The following CSMD1 variants were observed in gnomAD, a reference collection of about 807,000 sequenced individuals.
CSMD1 encodes the protein CUB and Sushi multiple domains 1.
A neutral mutation model predicts 417.5 loss-of-function variants in CSMD1; 213 were observed. That is an observed-to-expected ratio of 0.51 (90% CI 0.46 to 0.57). CSMD1 has a LOEUF of 0.57. Among genes scored for constraint, CSMD1 ranks in the 20% least tolerant of loss-of-function variants. The pLI is 0.00. For missense variants in CSMD1, 6,923 were observed against 4,529.7 expected, an observed-to-expected ratio of 1.53 and a Z score of -15.17; for synonymous variants, 2,862 against 1,736.8, an observed-to-expected ratio of 1.65 and a Z score of -16.11.
intron 3 of CSMD1, among the ~76,000 whole-genome samples, chr8:4,404,237 G>C (rs769567120): frequency 1.3e-5 from 2 of 151,924 alleles, no homozygotes; most frequent in Non-Finnish European, 2.9e-5. Flanking sequence ...TATATTATCT[G>C]TCACCTTGTG....
At chr8:4,153,666 G>A (rs1796683826) in intron 3 of CSMD1, among the ~76,000 whole-genome samples, 1 of 152,056 alleles carries the variant, frequency 6.6e-6, no homozygotes, top group African/African-American at 2.4e-5. Context: ...TTCTCATAAC[G>A]TCACTGCCTG....
chr8:3,771,494 C>T (rs572271441), intron 5 of CSMD1, among the ~76,000 whole-genome samples: 10 of 152,148 alleles, frequency 6.6e-5, no homozygotes, highest in South Asian at 2.1e-4. Flanking sequence ...CTCAAGCTCT[C>T]GAACACACAA....
intron 11 of CSMD1, among the ~76,000 whole-genome samples, chr8:3,493,419 A>G (rs1796219640): frequency 6.6e-6 from 1 of 152,204 alleles, no homozygotes; most frequent in African/African-American, 2.4e-5. Flanking sequence ...GAAGAAAAAC[A>G]GTCGAAACAG....
At chr8:4,040,965 C>G (rs1052593382) in intron 3 of CSMD1, among the ~76,000 whole-genome samples, 1 of 150,550 alleles carries the variant, frequency 6.6e-6, no homozygotes, top group Non-Finnish European at 1.5e-5. Context: ...TTTGACTTCA[C>G]TAGTGAATCC....
At chr8:4,724,106 G>C (rs891594693) in intron 1 of CSMD1, among the ~76,000 whole-genome samples, 2 of 152,110 alleles carry the variant, frequency 1.3e-5, no homozygotes, top group East Asian at 1.9e-4. Flanking sequence ...ATTGCAATTT[G>C]TCATTTTCCT....
chr8:3,792,073 T>C (rs915376742), intron 5 of CSMD1, among the ~76,000 whole-genome samples: 5 of 152,146 alleles, frequency 3.3e-5, no homozygotes, highest in African/African-American at 9.7e-5. Context: ...TCTCTATGTT[T>C]TCCTCCTTCA....
At chr8:3,308,814 C>T (rs1051828174) in intron 23 of CSMD1, among the ~76,000 whole-genome samples, 1 of 150,646 alleles carries the variant, frequency 6.6e-6, no homozygotes, top group Non-Finnish European at 1.5e-5. Flanking sequence ...ACCTCCACCT[C>T]CCAGGTTCAA....
intron 18 of CSMD1, among the ~76,000 whole-genome samples, chr8:3,372,439 G>A (rs1162217575): frequency 1.3e-5 from 2 of 152,268 alleles, no homozygotes; most frequent in African/African-American, 2.4e-5. Flanking sequence ...TCCTGAGGCT[G>A]TGCTGAGAGA....
intron 1 of CSMD1, among the ~76,000 whole-genome samples, chr8:4,865,148 CTAATCT>C (rs1170197208): frequency 8.6e-5 from 13 of 151,706 alleles, no homozygotes; most frequent in Admixed American, 8.5e-4. Flanking sequence ...TTTTACACAA[CTAATCT>C]TATTCTTGTT....
intron 23 of CSMD1, among the ~76,000 whole-genome samples, chr8:3,334,220 C>T (rs572864101): frequency 5.9e-5 from 9 of 152,288 alleles, no homozygotes; most frequent in East Asian, 1.9e-4. Flanking sequence ...TCTTGATCAA[C>T]GCATAATTTC....
At chr8:3,802,415 C>T (rs889411099) in intron 5 of CSMD1, among the ~76,000 whole-genome samples, 2 of 152,100 alleles carry the variant, frequency 1.3e-5, no homozygotes, top group Non-Finnish European at 2.9e-5. Context: ...TTCAAACAAA[C>T]ACTATTATTC....
intron 29 of CSMD1, among the ~76,000 whole-genome samples, chr8:3,216,620 G>A (rs1327647039): frequency 2.0e-5 from 3 of 152,072 alleles, no homozygotes; most frequent in Admixed American, 1.3e-4. Flanking sequence ...TTCCATTACT[G>A]ACTTGTCACT....
At chr8:3,545,394 A>C (rs1798614918) in intron 10 of CSMD1, among the ~76,000 whole-genome samples, 2 of 152,250 alleles carry the variant, frequency 1.3e-5, no homozygotes, top group African/African-American at 4.8e-5. Context: ...AAACATAAAC[A>C]GCCATTGTGA....
chr8:4,510,732 CCTCTCTTCCTT>C (rs1402095102), intron 2 of CSMD1, among the ~76,000 whole-genome samples: 1 of 145,962 alleles, frequency 6.9e-6, no homozygotes, highest in Non-Finnish European at 1.5e-5. Context: ...TTCCTTGCCT[CCTCTCTTCCTT>C]CCCTCTTCCC....
intron 1 of CSMD1, among the ~76,000 whole-genome samples, chr8:4,941,396 G>C (rs1807990908): frequency 1.3e-5 from 2 of 152,090 alleles, no homozygotes; most frequent in African/African-American, 4.8e-5. Context: ...GATGGTCTAA[G>C]ATATTTGTGA....
At chr8:3,966,518 G>A (rs944329082) in intron 5 of CSMD1, among the ~76,000 whole-genome samples, 1 of 152,034 alleles carries the variant, frequency 6.6e-6, no homozygotes, top group Non-Finnish European at 1.5e-5. Flanking sequence ...CAGTTCCTGG[G>A]AGAAAATTGT....
At chr8:3,806,268 G>T (rs1433776196) in intron 5 of CSMD1, among the ~76,000 whole-genome samples, 2 of 152,122 alleles carry the variant, frequency 1.3e-5, no homozygotes, top group African/African-American at 4.8e-5. Flanking sequence ...AGGATGGAAG[G>T]CCTAGTTTTC....
intron 54 of CSMD1, among the ~76,000 whole-genome samples, chr8:2,997,074 A>T (rs1210471141): frequency 1.3e-5 from 2 of 152,068 alleles, no homozygotes; most frequent in Admixed American, 1.3e-4. Context: ...TCACCCCCTC[A>T]CTCTGGTTTC....
intron 2 of CSMD1, among the ~76,000 whole-genome samples, chr8:4,440,681 A>G (rs1322501093): frequency 6.6e-6 from 1 of 152,184 alleles, no homozygotes. Context: ...ATTTTATCAC[A>G]TCAATGTATT....
Sources: allele counts gnomAD v4.1 joint callset (sites outside exome capture counted in the v4.1 genomes callset), GRCh38; gene constraint gnomAD v4.1.1; transcripts MANE v1.5; gene names NCBI Gene and HGNC (gene_info 2026-07-23, HGNC 2026-07-21).